PCMTD1: variants seen among roughly 807,000 people sequenced by gnomAD.
PCMTD1 encodes protein-L-isoaspartate (D-aspartate) O-methyltransferase domain containing 1, also known as protein-L-isoaspartate O-methyltransferase domain-containing protein 1.
A neutral mutation model predicts 37.6 loss-of-function variants in PCMTD1; 12 were observed. The observed-to-expected ratio is 0.32, with a 90% confidence interval of 0.20 to 0.52. PCMTD1 has a LOEUF of 0.52. Among genes scored for constraint, PCMTD1 ranks in the 20% least tolerant of loss-of-function variants. The pLI is 0.97. For missense variants in PCMTD1, 235 were observed against 421.3 expected, an observed-to-expected ratio of 0.56 and a Z score of 3.87; for synonymous variants, 117 against 135.8, an observed-to-expected ratio of 0.86 and a Z score of 0.96.
chr8:51,847,960 A>T (rs1413556756), intron 2 of PCMTD1, among the ~76,000 whole-genome samples: 1 of 152,118 alleles, frequency 6.6e-6, no homozygotes, highest in African/African-American at 2.4e-5. Flanking sequence ...GCATGCCTGT[A>T]ATCCCAGCTA....
chr8:51,896,493 T>C (rs2039003620), intron 1 of PCMTD1: 1 of 152,196 alleles, frequency 6.6e-6, no homozygotes. Flanking sequence ...TTTACTGATA[T>C]GAGACTATCC....
chr8:51,871,855 TC>T (rs2038644111), intron 1 of PCMTD1, among the ~76,000 whole-genome samples: 1 of 152,162 alleles, frequency 6.6e-6, no homozygotes, highest in Non-Finnish European at 1.5e-5. Flanking sequence ...CTATCTTTCT[TC>T]CCCTACCCCT....
intron 2 of PCMTD1, among the ~76,000 whole-genome samples, chr8:51,848,667 T>G (rs1459668572): frequency 2.0e-5 from 3 of 152,208 alleles, no homozygotes; most frequent in East Asian, 3.8e-4. Flanking sequence ...AAACATAACT[T>G]GTTTTTCATA....
chr8:51,839,378 A>G (rs2038113736), intron 3 of PCMTD1: 5 of 824,344 alleles, frequency 6.1e-6, no homozygotes, highest in Non-Finnish European at 7.3e-6. Context: ...AAAAATATAG[A>G]GCACACAGAT....
chr8:51,845,672 A>G lies in PCMTD1; in HGVS notation c.399T>C (p.Asp133=), dbSNP rs766108366. 1.9e-6 allele frequency: 3 copies of G among 1,609,848 alleles called. No individual in the cohort carries two copies. In the African/African-American group the frequency reaches 4.0e-5, roughly 22 times the overall value. ...EKLESFIKNS[D]SFDKFEFCEP... ...ATATGAATACTTACTTATCAAAGCT[A>G]TCACTATTTTTGATGAAGCTCTCCA... Residue 133 remains aspartate, a synonymous_variant, in exon 3 of 6, where the codon GAT becomes GAC. Transcript: ENST00000522514.
At chr8:51,838,330 T>C (rs1057086557) in intron 3 of PCMTD1, among the ~76,000 whole-genome samples, 2 of 151,848 alleles carry the variant, frequency 1.3e-5, no homozygotes, top group African/African-American at 4.8e-5. Context: ...CTACAAATTT[T>C]TTTTTTAAAT....
At chr8:51,874,869 G>C (rs1439728310) in intron 1 of PCMTD1, among the ~76,000 whole-genome samples, 1 of 152,142 alleles carries the variant, frequency 6.6e-6, no homozygotes, top group Non-Finnish European at 1.5e-5. Context: ...TGAGGATTCA[G>C]GGACCATACT....
At chr8:51,845,813 C>G (rs2038209883) in intron 2 of PCMTD1, 50 bp from the exon 3 acceptor site, 1 of 1,316,552 alleles carries the variant, frequency 7.6e-7, no homozygotes, top group East Asian at 2.4e-5. Context: ...TATGCCCTTA[C>G]AGAGCTCTTT....
rs543025256 is a variant in PCMTD1 at position 51,875,811 on chromosome 8, A to T, written c.-95-14565T>A. On this transcript the variant is annotated intron_variant, in intron 1 of 5. Coordinates refer to ENST00000522514, the MANE Select transcript of PCMTD1 (RefSeq NM_052937.4). ...GCCAGGCATGGTGGCACATACCTGCAGTCCCAGCTACTTAGAAGGCCGAGA... is the reference window on the plus strand; with the variant it reads ...GCCAGGCATGGTGGCACATACCTGCTGTCCCAGCTACTTAGAAGGCCGAGA... Among the ~76,000 whole-genome samples, 3 of 152,274 alleles carry T rather than the reference A, an allele frequency of 2.0e-5. No individual in the cohort carries two copies. The South Asian group carries it at 6.2e-4, about 32-fold the overall frequency.
chr8:51,853,475 A>G (rs1200161183), intron 2 of PCMTD1, among the ~76,000 whole-genome samples: 2 of 152,198 alleles, frequency 1.3e-5, no homozygotes, highest in African/African-American at 4.8e-5. Context: ...CAAATTCAGA[A>G]AGGTTTAGTA....
At chr8:51,839,377 G>C (rs944564870) in intron 3 of PCMTD1, 31 of 815,578 alleles carry the variant, frequency 3.8e-5, no homozygotes, top group Non-Finnish European at 4.6e-5. Context: ...AAAAAATATA[G>C]AGCACACAGA....
At chr8:51,855,213 A>AT (rs1447444376) in intron 2 of PCMTD1, among the ~76,000 whole-genome samples, 2 of 117,936 alleles carry the variant, frequency 1.7e-5, no homozygotes, top group African/African-American at 6.0e-5. Flanking sequence ...AACATAATTT[A>AT]TAATTCCTAA....
At chr8:51,899,162 A>G (rs2039061738), upstream of PCMTD1, 4 of 1,330,318 alleles carry the variant, frequency 3.0e-6, no homozygotes, top group African/African-American at 4.6e-5. Context: ...GCCAAAGTCA[A>G]CAAGGCCGGG....
At chr8:51,871,698 A>G (rs7829408) in intron 1 of PCMTD1, among the ~76,000 whole-genome samples, 104,601 of 152,182 alleles carry the variant, frequency 0.69, 42,402 homozygotes, top group Non-Finnish European at 0.9. Context: ...CTTAGCGAAC[A>G]TCTAAGAAAC....
chr8:51,854,577 T>A (rs564951547), intron 2 of PCMTD1, among the ~76,000 whole-genome samples: 1 of 152,240 alleles, frequency 6.6e-6, no homozygotes, highest in East Asian at 1.9e-4. Context: ...CCCAAATAAA[T>A]CACATATCAA....
In PCMTD1 at chr8:51,831,090, G is replaced by A. The variant is rs564779034; in HGVS notation, c.706+354C>T. ...AGATGGGTGGATCACTCGAGGTCAG[G>A]TGTTTGAGGCCAGCCTGGCCAACAT... On this transcript the variant is annotated intron_variant, in intron 5 of 5. Coordinates refer to ENST00000522514, the MANE Select transcript of PCMTD1 (RefSeq NM_052937.4). Among the ~76,000 whole-genome samples, 53 of 152,228 alleles carry A rather than the reference G, an allele frequency of 3.5e-4. 1 individual carries two copies. In the South Asian group the frequency reaches 6.2e-3, roughly 18 times the overall value.
chr8:51,830,232 C>A (rs772683669), intron 5 of PCMTD1, among the ~76,000 whole-genome samples: 1 of 152,168 alleles, frequency 6.6e-6, no homozygotes. Context: ...CTCCACTCTC[C>A]GCTAAATGAT....
At chr8:51,875,926 T>C (rs998146117) in intron 1 of PCMTD1, among the ~76,000 whole-genome samples, 12 of 146,604 alleles carry the variant, frequency 8.2e-5, no homozygotes, top group Admixed American at 7.1e-5. Context: ...AGCAAGACCA[T>C]CTCAAAAATG....
chr8:51,838,066 C>T (rs373869609), intron 3 of PCMTD1, among the ~76,000 whole-genome samples: 25 of 152,158 alleles, frequency 1.6e-4, no homozygotes, highest in Admixed American at 4.6e-4. Context: ...GAATTACAGG[C>T]GTGAGCCACC....
Sources: allele counts gnomAD v4.1 joint callset (sites outside exome capture counted in the v4.1 genomes callset), GRCh38; gene constraint gnomAD v4.1.1; transcripts MANE v1.5; gene names NCBI Gene and HGNC (gene_info 2026-07-23, HGNC 2026-07-21).